The following IQCH variants were observed in gnomAD, a reference collection of about 807,000 sequenced individuals.
The protein encoded by IQCH is IQ motif containing H, also known as IQ domain-containing protein H.
In IQCH, 98 loss-of-function variants were observed where a neutral mutation model predicts 117.0. That is an observed-to-expected ratio of 0.84 (90% CI 0.71 to 0.99). The LOEUF (loss-of-function observed/expected upper bound fraction) is 0.99, where lower values mean the gene tolerates loss of function less well. Ranked by LOEUF, IQCH falls within the 50% of genes least tolerant of loss-of-function variation. The pLI, the probability that IQCH is intolerant of heterozygous loss-of-function variation, is 0.00. For missense variants in IQCH, 1,102 were observed against 1,243.8 expected (o/e 0.89, Z 1.72); for synonymous variants, 412 against 448.2 (o/e 0.92, Z 1.02).
rs528263723 is a variant in IQCH, at chr15:67,310,541, CAT to C, written c.388-26433_388-26432del. On this transcript the variant is annotated intron_variant, in intron 4 of 20. Transcript: ENST00000335894. ...ATTAATTGGTATTAGTATTAGAACACATGTGTGCTACTATCAATTAAAAGCCA... is the reference window on the plus strand; with the variant it reads ...ATTAATTGGTATTAGTATTAGAACACGTGTGCTACTATCAATTAAAAGCCA... 4.6e-3 allele frequency among the ~76,000 whole-genome samples: 703 copies of C among 152,248 alleles called. 7 individuals carry two copies. The highest frequency in any genetic ancestry group is 0.016 in the African/African-American group (681 of 41,576).
chr15:67,498,000 C>T (rs2141113725), intron 20 of IQCH, among the ~76,000 whole-genome samples: 1 of 152,178 alleles, frequency 6.6e-6, no homozygotes, highest in East Asian at 1.9e-4. Context: ...CAGAAATTGA[C>T]AAGATGATCC....
intron 8 of IQCH, 173 bp downstream of exon 8, chr15:67,360,058 G>T: frequency 7.0e-6 from 4 of 572,580 alleles, no homozygotes; most frequent in South Asian, 5.4e-5. Flanking sequence ...AAAAAAACAT[G>T]GTTCATTTAA....
At chr15:67,492,325 A>G (rs1402231713) in intron 19 of IQCH, among the ~76,000 whole-genome samples, 1 of 152,198 alleles carries the variant, frequency 6.6e-6, no homozygotes, top group Non-Finnish European at 1.5e-5. Flanking sequence ...ACCAGCTGGC[A>G]TGAAAGATTA....
chr15:67,410,355 C>T (rs1225802117), intron 14 of IQCH, among the ~76,000 whole-genome samples: 1 of 152,178 alleles, frequency 6.6e-6, no homozygotes, highest in Non-Finnish European at 1.5e-5. Flanking sequence ...AATGATGTCA[C>T]CAAGGACCCA....
intron 15 of IQCH, among the ~76,000 whole-genome samples, chr15:67,420,651 AT>A (rs948941871): frequency 6.6e-6 from 1 of 152,228 alleles, no homozygotes; most frequent in African/African-American, 2.4e-5. Context: ...TGCCTCTATG[AT>A]TTTTGGCATT....
Position 67,401,569 on chromosome 15 carries a change from TGAG to T in IQCH, c.2097+1266_2097+1268del, listed in dbSNP as rs1971660505. Among the ~76,000 whole-genome samples the T allele has an allele frequency of 6.6e-6, 1 of 152,148 alleles. No homozygotes were observed. The highest frequency in any genetic ancestry group is 1.5e-5 in the Non-Finnish European group (1 of 68,028). On this transcript the variant is annotated intron_variant, in intron 14 of 20. Coordinates refer to ENST00000335894, the MANE Select transcript of IQCH (RefSeq NM_001031715.3). This position sits in a 1 kb window ranked among gnomAD's most constrained non-coding sequence, Gnocchi z 4.7. ...AGTGATAGAGAGGGAGGGGCACACT[TGAG>T]GGAACCACATTATTCTTGGAAAGTG...
rs1277039686 is a variant in IQCH, at chr15:67,454,400, G to A, written c.2506-10727G>A. Among the ~76,000 whole-genome samples, 3 of 152,084 alleles carry A rather than the reference G, an allele frequency of 2.0e-5. No individual in the cohort carries two copies. The highest frequency in any genetic ancestry group is 1.9e-4 in the East Asian group (1 of 5,198). On this transcript the variant is annotated intron_variant, in intron 16 of 20. Coordinates refer to ENST00000335894, the MANE Select transcript of IQCH (RefSeq NM_001031715.3). The surrounding 1 kb of genome is among the most constrained non-coding windows in gnomAD (Gnocchi z 5.2). The stretch of plus-strand genomic sequence containing the variant: ...TCTTGATCTCTTGACCTTGTGATCC[G>A]CCCGCCTCGGCCTCCCAAAGTATTC...
intron 18 of IQCH, among the ~76,000 whole-genome samples, chr15:67,478,333 C>T (rs1228881681): frequency 1.3e-5 from 2 of 151,768 alleles, no homozygotes; most frequent in Non-Finnish European, 2.9e-5. Context: ...TGCAGTGAGT[C>T]AAGATCGTGC....
intron 18 of IQCH, among the ~76,000 whole-genome samples, chr15:67,478,498 G>A (rs1249094252): frequency 2.6e-5 from 4 of 152,000 alleles, no homozygotes; most frequent in African/African-American, 7.3e-5. Context: ...TAAAATGAGA[G>A]AGAAGAAGAA....
At chr15:67,368,410 C>A (rs1970408931) in intron 8 of IQCH, among the ~76,000 whole-genome samples, 1 of 152,152 alleles carries the variant, frequency 6.6e-6, no homozygotes, top group Non-Finnish European at 1.5e-5. Flanking sequence ...ACATTGTGGA[C>A]CCTTAACACA....
At chr15:67,317,686 C>A (rs1440154555) in intron 4 of IQCH, among the ~76,000 whole-genome samples, 2 of 152,074 alleles carry the variant, frequency 1.3e-5, no homozygotes, top group Non-Finnish European at 2.9e-5. Flanking sequence ...ATTTTTTTCA[C>A]TTAAATATCT....
At chr15:67,377,039 C>T (rs1164743894) in intron 10 of IQCH, among the ~76,000 whole-genome samples, 1 of 150,966 alleles carries the variant, frequency 6.6e-6, no homozygotes, top group Non-Finnish European at 1.5e-5. Context: ...ATCGCTTGAA[C>T]CTGGGAGGCG....
intron 18 of IQCH, among the ~76,000 whole-genome samples, chr15:67,488,913 G>A (rs1418518834): frequency 6.6e-6 from 1 of 152,150 alleles, no homozygotes; most frequent in East Asian, 1.9e-4. Flanking sequence ...AGACCTGTCT[G>A]AGACAGATCT....
intron 16 of IQCH, among the ~76,000 whole-genome samples, chr15:67,440,828 AC>A (rs1463426270): frequency 2.6e-5 from 4 of 152,150 alleles, no homozygotes; most frequent in Admixed American, 2.6e-4. Flanking sequence ...GCCCACTCTC[AC>A]CACTCCTCTT....
chr15:67,277,530 CTTT>C (rs574311972), intron 3 of IQCH, among the ~76,000 whole-genome samples: 1,961 of 128,804 alleles, frequency 0.015, 25 homozygotes, highest in Non-Finnish European at 0.02. Flanking sequence ...CCTCCAGTAT[CTTT>C]TTTTTTTTTT....
chr15:67,334,625 G>C (rs539688842), intron 4 of IQCH, among the ~76,000 whole-genome samples: 2 of 152,244 alleles, frequency 1.3e-5, no homozygotes, highest in East Asian at 3.9e-4. Flanking sequence ...CTGAGGCCCA[G>C]GCCCCAGCCT....
intron 16 of IQCH, among the ~76,000 whole-genome samples, chr15:67,448,165 G>GTA (rs2082432372): frequency 6.6e-6 from 1 of 151,630 alleles, no homozygotes; most frequent in Admixed American, 6.6e-5. Context: ...CTCTGTGTGT[G>GTA]TGTGTGTGTG....
rs186780204 is a variant in IQCH, at chr15:67,422,786, A to G, written c.2505+1209A>G. On this transcript the variant is annotated intron_variant, in intron 16 of 20. Transcript: ENST00000335894. The surrounding 1 kb of genome is among the most constrained non-coding windows in gnomAD (Gnocchi z 4.7). The stretch of plus-strand genomic sequence containing the variant: ...TTTGCTTTTCCCACCTAAAAGTATA[A>G]TGTTAAAGTTCACTACTATTTCACA... Among the ~76,000 whole-genome samples, 41 of 152,330 alleles carry G rather than the reference A, an allele frequency of 2.7e-4. No individual in the cohort carries two copies. Among genetic ancestry groups the G allele is most frequent in the Admixed American group, 1.1e-3 (17 of 15,306 alleles).
chr15:67,302,718 G>A (rs1967107095), intron 4 of IQCH, among the ~76,000 whole-genome samples: 1 of 152,102 alleles, frequency 6.6e-6, no homozygotes, highest in Non-Finnish European at 1.5e-5. Flanking sequence ...TTAGCCGGGT[G>A]TGGTAGTGCA....
Sources: allele counts gnomAD v4.1 joint callset (sites outside exome capture counted in the v4.1 genomes callset), GRCh38; gene constraint gnomAD v4.1.1; non-coding constraint Gnocchi (gnomAD v3.1); transcripts MANE v1.5; gene names NCBI Gene and HGNC (gene_info 2026-07-23, HGNC 2026-07-21).